The following RASA3 variants were observed in gnomAD, a reference collection of about 807,000 sequenced individuals.
RASA3 encodes the protein ras GTPase-activating protein 3.
Under a neutral mutation model 110.0 loss-of-function variants are expected in RASA3, and 73 were observed. That is an observed-to-expected ratio of 0.66 (90% CI 0.55 to 0.81). RASA3 has a LOEUF of 0.81. RASA3 is among the 30% of genes least tolerant of loss of function. The pLI is 0.00. For synonymous variants in RASA3, 500 were observed against 451.4 expected (o/e 1.11, Z -1.37); for missense variants, 976 against 1,113.2 (o/e 0.88, Z 1.75).
In RASA3 at chr13:114,112,865, C is replaced by A. The variant is rs529009461; in HGVS notation, c.55+19570G>T. On this transcript the variant is annotated intron_variant, in intron 1 of 23. Transcript: ENST00000334062. The surrounding 1 kb of genome is among the most constrained non-coding windows in gnomAD (Gnocchi z 4.8). ...GAGAATCCTCAGCAAAAAAGCAACA[C>A]TCGCCGTTCAGAGAGTGAATGAGAG... Among the ~76,000 whole-genome samples the A allele has an allele frequency of 7.2e-5, 11 of 152,240 alleles. No individual in the cohort carries two copies. The highest frequency in any genetic ancestry group is 6.5e-5 in the Admixed American group (1 of 15,294).
chr13:114,078,241 T>C (rs2139686045), intron 1 of RASA3, among the ~76,000 whole-genome samples: 1 of 152,340 alleles, frequency 6.6e-6, no homozygotes, highest in Non-Finnish European at 1.5e-5. Flanking sequence ...CAACTGTTTC[T>C]TCTCCACCGC....
chr13:114,039,350 A>G (rs1594368866), intron 4 of RASA3, among the ~76,000 whole-genome samples: 1 of 146,744 alleles, frequency 6.8e-6, no homozygotes, highest in East Asian at 1.9e-4. Context: ...GCAACCCTAC[A>G]CTCAGACACT....
At chr13:114,093,667 T>C (rs1314876183) in intron 1 of RASA3, among the ~76,000 whole-genome samples, 1 of 152,208 alleles carries the variant, frequency 6.6e-6, no homozygotes, top group Non-Finnish European at 1.5e-5. Context: ...CTCAATTCCC[T>C]TTTTAACTCT....
intron 1 of RASA3, among the ~76,000 whole-genome samples, chr13:114,083,591 G>A (rs9525389): frequency 2.4e-5 from 1 of 42,398 alleles, no homozygotes; most frequent in African/African-American, 4.7e-5. Flanking sequence ...GACTCCCTTC[G>A]TCCTCGCGGG....
At chr13:114,060,186 C>T (rs538923658) in intron 2 of RASA3, among the ~76,000 whole-genome samples, 4 of 152,326 alleles carry the variant, frequency 2.6e-5, no homozygotes, top group South Asian at 4.1e-4. Flanking sequence ...AGAAGGCTGA[C>T]GTGGCCTGGG....
chr13:114,103,825 A>G (rs35072185), intron 1 of RASA3, among the ~76,000 whole-genome samples: 262 of 9,130 alleles, frequency 0.029, 31 homozygotes, highest in African/African-American at 0.083. Flanking sequence ...ACTGCCGCCG[A>G]CCACAGACAC....
chr13:114,101,264 C>T (rs553940119), intron 1 of RASA3, among the ~76,000 whole-genome samples: 68 of 152,334 alleles, frequency 4.5e-4, no homozygotes, highest in African/African-American at 1.5e-3. Context: ...GAAAATCCAA[C>T]TGGCAAGCAG....
intron 2 of RASA3, among the ~76,000 whole-genome samples, chr13:114,054,110 G>A (rs1244576727): frequency 3.3e-5 from 5 of 151,878 alleles, no homozygotes; most frequent in Non-Finnish European, 7.4e-5. Flanking sequence ...TGGGTGACAA[G>A]AGCAAAACTC....
chr13:114,077,044 T>C (rs975265270), intron 1 of RASA3, among the ~76,000 whole-genome samples: 1 of 151,752 alleles, frequency 6.6e-6, no homozygotes. Flanking sequence ...AGTTCCTGTG[T>C]TTCTTAAAAG....
chr13:114,125,387 T>C (rs1457164610), intron 1 of RASA3, among the ~76,000 whole-genome samples: 1 of 152,158 alleles, frequency 6.6e-6, no homozygotes, highest in Non-Finnish European at 1.5e-5. Flanking sequence ...CTTCCAGTCA[T>C]GGCAGAAGGT....
chr13:114,111,425 G>C (rs9590442), intron 1 of RASA3, among the ~76,000 whole-genome samples: 5 of 64,138 alleles, frequency 7.8e-5, no homozygotes, highest in Admixed American at 5.6e-4. Context: ...AGCTGCAGGC[G>C]GAGTTCTAAG....
At chr13:114,043,242 G>A (rs1484621365) in intron 3 of RASA3, among the ~76,000 whole-genome samples, 1 of 152,188 alleles carries the variant, frequency 6.6e-6, no homozygotes, top group African/African-American at 2.4e-5. Context: ...CATGGTGGGA[G>A]GTGCGGAAGG....
intron 1 of RASA3, among the ~76,000 whole-genome samples, chr13:114,076,497 C>T (rs1203488497): frequency 6.6e-6 from 1 of 151,974 alleles, no homozygotes; most frequent in Non-Finnish European, 1.5e-5. Context: ...ACACGCAGCA[C>T]ACGCACACAC....
intron 16 of RASA3, among the ~76,000 whole-genome samples, chr13:114,009,779 G>C (rs2053592838): frequency 6.6e-6 from 1 of 152,222 alleles, no homozygotes; most frequent in Non-Finnish European, 1.5e-5. Flanking sequence ...AGGTACGTTG[G>C]GGCCCAGATG....
At chr13:113,994,800 G>C (rs568289386) in intron 21 of RASA3, among the ~76,000 whole-genome samples, 1 of 152,152 alleles carries the variant, frequency 6.6e-6, no homozygotes, top group African/African-American at 2.4e-5. Context: ...GTGAAACCCC[G>C]TTTCTACAAA....
intron 16 of RASA3, among the ~76,000 whole-genome samples, chr13:114,010,477 G>A (rs1255607714): frequency 1.3e-5 from 2 of 151,662 alleles, no homozygotes; most frequent in African/African-American, 4.8e-5. Flanking sequence ...GGGGAAATGG[G>A]GCAGATGCCT....
At chr13:114,029,711 T>A in intron 5 of RASA3, 100 bp downstream of exon 5, 3 of 1,075,204 alleles carry the variant, frequency 2.8e-6, no homozygotes, top group Non-Finnish European at 4.1e-6. Flanking sequence ...CCACCGGCTC[T>A]GGAAATTCTT....
At position 113,992,048 on chromosome 13, in the gene RASA3, CCA is replaced by C. The variant is rs150063410; in HGVS notation, c.2245+435_2245+436del. Among the ~76,000 whole-genome samples the C allele has an allele frequency of 4.6e-5, 7 of 152,164 alleles. No individual in the cohort carries two copies. In the South Asian group the frequency reaches 6.2e-4, roughly 14 times the overall value. On this transcript the variant is annotated intron_variant, in intron 22 of 23. Transcript: ENST00000334062. ...ACATCCACACTCATACATGTCATGT[CCA>C]CACATTCACACACGCTCACACATGT...
intron 20 of RASA3, among the ~76,000 whole-genome samples, chr13:113,997,674 C>G (rs1184106001): frequency 6.6e-6 from 1 of 152,126 alleles, no homozygotes; most frequent in Non-Finnish European, 1.5e-5. Context: ...GGAGCCGGCT[C>G]TGTTGCACAC....
Sources: gnomAD v4.1 joint callset for allele counts (sites outside exome capture counted in the v4.1 genomes callset) on GRCh38, gnomAD v4.1.1 for gene constraint, Gnocchi (gnomAD v3.1) non-coding constraint, MANE v1.5 for transcripts, NCBI Gene and HGNC (gene_info 2026-07-23, HGNC 2026-07-21) for gene names.